NEK1: variants seen among roughly 807,000 people sequenced by gnomAD.
NEK1 encodes NIMA related kinase 1.
Under a neutral mutation model 182.1 loss-of-function variants are expected in NEK1, and 137 were observed. That is an observed-to-expected ratio of 0.75 (90% CI 0.65 to 0.87). NEK1 has a LOEUF of 0.87. Ranked by LOEUF, NEK1 falls within the 40% of genes least tolerant of loss-of-function variation. The pLI is 0.00. For missense variants in NEK1, 1,391 were observed against 1,494.4 expected (o/e 0.93, Z 1.14); for synonymous variants, 513 against 492.2 (o/e 1.04, Z -0.56).
chr4:169,594,720 A>G (rs1313541524), intron 5 of NEK1, among the ~76,000 whole-genome samples: 3 of 152,228 alleles, frequency 2.0e-5, no homozygotes, highest in Admixed American at 1.3e-4. Flanking sequence ...TATTAGCTCA[A>G]CACTGCTATA....
chr4:169,424,434 T>C (rs1736010100), intron 31 of NEK1, 119 bp downstream of exon 31: 1 of 1,185,684 alleles, frequency 8.4e-7, no homozygotes, highest in Non-Finnish European at 1.1e-6. Flanking sequence ...GAGGTTTTTG[T>C]TGGATGTGTG....
At chr4:169,570,456 G>A (rs1040180456) in intron 12 of NEK1, among the ~76,000 whole-genome samples, 1 of 150,866 alleles carries the variant, frequency 6.6e-6, no homozygotes, top group Admixed American at 6.6e-5. Flanking sequence ...GGAGGGAGGT[G>A]GGGGGATCAG....
intron 29 of NEK1, among the ~76,000 whole-genome samples, chr4:169,432,926 G>A (rs546805973): frequency 1.2e-4 from 19 of 152,106 alleles, no homozygotes; most frequent in Non-Finnish European, 1.8e-4. Context: ...GGCACCCGCC[G>A]CCATGCCTGG....
intron 18 of NEK1, among the ~76,000 whole-genome samples, chr4:169,547,439 C>T (rs1244077850): frequency 2.6e-5 from 4 of 152,086 alleles, no homozygotes; most frequent in Non-Finnish European, 4.4e-5. Flanking sequence ...GTGCATCTGA[C>T]AATTATGTGT....
At chr4:169,586,884 A>G (rs1767628681) in intron 9 of NEK1, among the ~76,000 whole-genome samples, 2 of 152,032 alleles carry the variant, frequency 1.3e-5, no homozygotes, top group African/African-American at 4.8e-5. Context: ...TTTTACAGGT[A>G]GTCAATACTG....
At chr4:169,402,060 T>C (rs530217927) in intron 32 of NEK1, among the ~76,000 whole-genome samples, 200 bp from the exon 33 acceptor site, 2 of 152,168 alleles carry the variant, frequency 1.3e-5, no homozygotes, top group East Asian at 3.9e-4. Context: ...ATACAACTGA[T>C]AAATATATCA....
chr4:169,477,205 G>A lies in NEK1; in HGVS notation c.2353C>T (p.Arg785Cys), dbSNP rs374639577. 1.1e-5 allele frequency: 17 copies of A among 1,607,428 alleles called. No individual in the cohort carries two copies. Among genetic ancestry groups the A allele is most frequent in the South Asian group, 5.6e-5 (5 of 89,848 alleles). The change falls in exon 26 of 36, where the codon CGC becomes TGC. Residue 785 changes from arginine to cysteine, a missense_variant. By Grantham distance (180) the Arg-to-Cys change is radical. Around this residue, in one of 5 missense-constraint regions of NEK1, gnomAD observed 1,216 missense variants for 1,277.6 expected, o/e 0.95. Transcript: ENST00000507142. ...HEKEKSVSSD[R>C]KKWEAGGQLV... ...TGACCTCCTGCCTCCCACTTCTTGC[G>A]ATCAGATGAAACTGATTTTTCTTTT...
At chr4:169,466,691 CA>C (rs559441442) in intron 26 of NEK1, among the ~76,000 whole-genome samples, 7 of 151,872 alleles carry the variant, frequency 4.6e-5, no homozygotes, top group Non-Finnish European at 1.0e-4. Flanking sequence ...GACTGTACTA[CA>C]AAAAATCTTA....
At chr4:169,487,499 C>T (rs1284009625) in intron 23 of NEK1, among the ~76,000 whole-genome samples, 1 of 152,160 alleles carries the variant, frequency 6.6e-6, no homozygotes, top group African/African-American at 2.4e-5. Flanking sequence ...GTTCTTGTTC[C>T]TTTCTGTGGC....
At chr4:169,462,496 G>A (rs11947422) in intron 27 of NEK1, among the ~76,000 whole-genome samples, 29,686 of 151,952 alleles carry the variant, frequency 0.2, 4,393 homozygotes, top group African/African-American at 0.42. Flanking sequence ...GTATAGGTTC[G>A]TTTCACTGGC....
intron 18 of NEK1, among the ~76,000 whole-genome samples, chr4:169,553,612 T>C (rs1420979820): frequency 6.6e-6 from 1 of 152,138 alleles, no homozygotes; most frequent in Non-Finnish European, 1.5e-5. Flanking sequence ...AAGACATACC[T>C]GATAAAGGAC....
At chr4:169,576,729 TTAATA>T (rs1158500911) in intron 12 of NEK1, 194 bp downstream of exon 12, 1 of 448,544 alleles carries the variant, frequency 2.2e-6, no homozygotes, top group African/African-American at 2.0e-5. Context: ...ATTATATTAC[TTAATA>T]TATTTACTTA....
intron 26 of NEK1, among the ~76,000 whole-genome samples, chr4:169,464,381 C>T (rs185721516): frequency 5.0e-4 from 76 of 152,194 alleles, no homozygotes; most frequent in African/African-American, 1.7e-3. Context: ...TCAGAAGCAG[C>T]TGAGGGATCA....
intron 19 of NEK1, among the ~76,000 whole-genome samples, chr4:169,535,752 C>A (rs71622348): frequency 6.6e-6 from 1 of 151,050 alleles, no homozygotes; most frequent in Non-Finnish European, 1.5e-5. Flanking sequence ...TGGTGACAGA[C>A]GCCTGGAATC....
intron 28 of NEK1, among the ~76,000 whole-genome samples, chr4:169,437,426 T>C (rs894145387): frequency 6.6e-6 from 1 of 152,164 alleles, no homozygotes; most frequent in Non-Finnish European, 1.5e-5. Flanking sequence ...GGGCAGACTA[T>C]GGCAGATTTA....
intron 2 of NEK1, among the ~76,000 whole-genome samples, chr4:169,609,322 C>T (rs1488412213): frequency 6.6e-6 from 1 of 152,090 alleles, no homozygotes; most frequent in Non-Finnish European, 1.5e-5. Flanking sequence ...GGGACAGAAA[C>T]TTTGATGTAG....
chr4:169,550,986 G>A (rs903514318), intron 18 of NEK1, among the ~76,000 whole-genome samples: 3 of 152,078 alleles, frequency 2.0e-5, no homozygotes, highest in African/African-American at 7.2e-5. Context: ...AGGTAAATTC[G>A]CAAATACGGA....
intron 23 of NEK1, among the ~76,000 whole-genome samples, chr4:169,485,817 C>A (rs1436416616): frequency 1.3e-5 from 2 of 151,802 alleles, no homozygotes; most frequent in Non-Finnish European, 2.9e-5. Context: ...GAGTTTGAGA[C>A]CCAGTTAATT....
At chr4:169,425,587 A>C (rs190874922) in intron 30 of NEK1, among the ~76,000 whole-genome samples, 26 of 152,210 alleles carry the variant, frequency 1.7e-4, no homozygotes, top group African/African-American at 6.3e-4. Flanking sequence ...GTCTTGGTCT[A>C]TTGCCCAGGC....
Sources: allele counts gnomAD v4.1 joint callset (sites outside exome capture counted in the v4.1 genomes callset), GRCh38; gene constraint gnomAD v4.1.1; regional missense constraint gnomAD v4.1.1; transcripts MANE v1.5; gene names NCBI Gene and HGNC (gene_info 2026-07-23, HGNC 2026-07-21).